Variants in ZNF566 observed in about 807,000 individuals in gnomAD.
ZNF566 encodes the protein zinc finger protein 566.
Under a neutral mutation model 32.8 loss-of-function variants are expected in ZNF566, and 27 were observed. That is an observed-to-expected ratio of 0.82 (90% CI 0.61 to 1.14). The LOEUF (loss-of-function observed/expected upper bound fraction) is 1.14, where lower values mean the gene tolerates loss of function less well. Ranked by LOEUF, ZNF566 falls within the 50% of genes most tolerant of loss-of-function variation. The pLI, the probability that ZNF566 is intolerant of heterozygous loss-of-function variation, is 0.00. For missense variants in ZNF566, 402 were observed against 490.4 expected (o/e 0.82, Z 1.70); for synonymous variants, 154 against 159.5 (o/e 0.97, Z 0.26).
Position 36,449,083 on chromosome 19 carries a change from C to CTAA in ZNF566, c.1148_1150dup (p.Ile383dup). The CTAA allele has an allele frequency of 6.2e-7, 1 of 1,613,970 alleles. No individual in the cohort carries two copies. The highest frequency in any genetic ancestry group is 8.5e-7 in the Non-Finnish European group (1 of 1,179,980). ...CTCACTAGTATGAATTCTATGATGA[C>CTAA]TAATAAGCTGTGAACTCTGAGAATA... On this transcript the variant is annotated inframe_insertion, in exon 5 of 5. Transcript: ENST00000452939.
At chr19:36,468,108 C>G (rs1450588098) in intron 4 of ZNF566, among the ~76,000 whole-genome samples, 1 of 150,592 alleles carries the variant, frequency 6.6e-6, no homozygotes, top group African/African-American at 2.5e-5. Flanking sequence ...TCACTTGAAC[C>G]CGGGAGGCAG....
chr19:36,456,186 G>A (rs1197074383), intron 4 of ZNF566, among the ~76,000 whole-genome samples: 1 of 151,438 alleles, frequency 6.6e-6, no homozygotes, highest in African/African-American at 2.4e-5. Flanking sequence ...AAAATACTTA[G>A]GAAAAAATTT....
chr19:36,449,656 T>C lies in ZNF566; in HGVS notation c.578A>G (p.His193Arg). 2 of 1,614,146 alleles carry C rather than the reference T, an allele frequency of 1.2e-6. No homozygotes were observed. The highest frequency in any genetic ancestry group is 1.7e-5 in the Admixed American group (1 of 60,018). Residue 193 changes from histidine to arginine, a missense_variant, in exon 5 of 5, where the codon CAT becomes CGT. Physicochemically the swap from His to Arg is conservative, Grantham distance 29. This residue lies in a region of ZNF566 where 220 missense variants were observed against 241.9 expected (regional missense o/e 0.91). Transcript: ENST00000452939. The part of the protein sequence containing the change: ...GSQFATHEII[H>R]TIEKPYECKE... The stretch of plus-strand genomic sequence containing the variant: ...ACATTCATAAGGCTTCTCAATGGTA[T>C]GAATTATCTCATGTGTAGCAAACTG...
At chr19:36,450,360 A>C (rs1165196086) in intron 4 of ZNF566, among the ~76,000 whole-genome samples, 1 of 152,180 alleles carries the variant, frequency 6.6e-6, no homozygotes, top group Non-Finnish European at 1.5e-5. Context: ...AAAATAAGGG[A>C]AATGGCCAGG....
rs538026137 is a variant in ZNF566 at position 36,448,615 on chromosome 19, AG to A, written c.*361del. 1 of 165,156 alleles carries A rather than the reference AG, an allele frequency of 6.1e-6. No homozygotes were observed. The highest frequency in any genetic ancestry group is 2.4e-5 in the African/African-American group (1 of 42,064). 10.2% of individuals were successfully genotyped at this position (165,156 alleles called of 1,614,324 possible). On this transcript the variant is annotated 3_prime_UTR_variant, in exon 5 of 5. Coordinates refer to ENST00000452939, the MANE Select transcript of ZNF566 (RefSeq NM_001145344.1). The stretch of plus-strand genomic sequence containing the variant: ...TTAAAATACTAAGAATGTAACAATT[AG>A]AGAAATTAGGGGAAAAAATGACAAT...
At chr19:36,468,341 T>C (rs1220886456) in intron 4 of ZNF566, among the ~76,000 whole-genome samples, 1 of 151,722 alleles carries the variant, frequency 6.6e-6, no homozygotes, top group African/African-American at 2.4e-5. Flanking sequence ...TGAAGTGGCT[T>C]GCTCCTGTAA....
chr19:36,455,647 C>T (rs951795623), intron 4 of ZNF566, among the ~76,000 whole-genome samples: 10 of 151,842 alleles, frequency 6.6e-5, no homozygotes, highest in Non-Finnish European at 1.2e-4. Context: ...GGCTGAGGCA[C>T]GAGAATCGCT....
At position 36,445,364 on chromosome 19, in the gene ZNF566, C is replaced by T. The variant is rs2032968009; in HGVS notation, c.*3613G>A. On this transcript the variant is annotated 3_prime_UTR_variant, in exon 5 of 5. Transcript: ENST00000452939. ...TCCTGGATAGAAACAAGTCTGACAT[C>T]CTGCATTAGATCGTATAATCAATTC... 1 of 152,132 alleles carries T rather than the reference C, an allele frequency of 6.6e-6. No individual in the cohort carries two copies. The highest frequency in any genetic ancestry group is 1.5e-5 in the Non-Finnish European group (1 of 68,020). The allele number at this position is 152,132 out of a possible 1,614,324, so 9.4% of individuals were successfully genotyped here. A position where few individuals can be genotyped will look rare whatever the true frequency, so the allele number is the denominator to read the frequency against.
intron 1 of ZNF566, among the ~76,000 whole-genome samples, chr19:36,489,092 C>T (rs1464167919): frequency 6.6e-6 from 1 of 152,184 alleles, no homozygotes; most frequent in Non-Finnish European, 1.5e-5. Context: ...CAGCCACACA[C>T]ACAGATAGAA....
intron 1 of ZNF566, 123 bp from the exon 2 acceptor site, chr19:36,476,739 C>T: frequency 4.2e-6 from 3 of 717,024 alleles, no homozygotes; most frequent in Non-Finnish European, 4.4e-6. Flanking sequence ...GGAGAATGGG[C>T]AAATGTCTCT....
chr19:36,467,922 A>T (rs1457449765), intron 4 of ZNF566, among the ~76,000 whole-genome samples: 2 of 151,510 alleles, frequency 1.3e-5, no homozygotes, highest in Non-Finnish European at 2.9e-5. Context: ...ATGGTGGCTC[A>T]CGCCTGTAAT....
intron 1 of ZNF566, among the ~76,000 whole-genome samples, chr19:36,485,619 G>A (rs755242594): frequency 1.1e-4 from 17 of 151,778 alleles, no homozygotes; most frequent in Non-Finnish European, 1.8e-4. Flanking sequence ...AAAATCAGCC[G>A]GGGGTGGTGG....
At position 36,448,849 on chromosome 19, in the gene ZNF566, C is replaced by A; in HGVS notation, c.*128G>T. On this transcript the variant is annotated 3_prime_UTR_variant, in exon 5 of 5. Transcript: ENST00000452939. ...TTTCTCCAACATTATTTTTCCCAGG[C>A]TGAATAAGCTGTAGTCCACAAATAA... is the stretch of plus-strand genomic sequence containing the variant. 1.3e-6 allele frequency: 1 copy of A among 788,354 alleles called. No homozygotes were observed. The highest frequency in any genetic ancestry group is 1.9e-6 in the Non-Finnish European group (1 of 528,104). 48.8% of individuals were successfully genotyped at this position (788,354 alleles called of 1,614,324 possible).
At chr19:36,466,122 G>A (rs1253632905) in intron 4 of ZNF566, among the ~76,000 whole-genome samples, 1 of 151,872 alleles carries the variant, frequency 6.6e-6, no homozygotes, top group Admixed American at 6.6e-5. Context: ...GGGAATAAAG[G>A]TAACCATATC....
chr19:36,461,311 T>C (rs745650220), intron 4 of ZNF566, among the ~76,000 whole-genome samples: 2 of 152,214 alleles, frequency 1.3e-5, no homozygotes, highest in Non-Finnish European at 1.5e-5. Flanking sequence ...CCTGAGTTAC[T>C]AGGTTGTTAC....
At chr19:36,473,541 G>C in intron 2 of ZNF566, 83 bp from the exon 3 acceptor site, 1 of 1,334,520 alleles carries the variant, frequency 7.5e-7, no homozygotes, top group Non-Finnish European at 1.0e-6. Context: ...AAAGATTAAG[G>C]TAGAGGAAGT....
intron 4 of ZNF566, among the ~76,000 whole-genome samples, chr19:36,460,027 G>C (rs1050906505): frequency 6.6e-6 from 1 of 150,992 alleles, no homozygotes; most frequent in African/African-American, 2.4e-5. Flanking sequence ...GGCTGATCTC[G>C]AACTCCTGAC....
intron 4 of ZNF566, among the ~76,000 whole-genome samples, chr19:36,457,921 C>T (rs1016403329): frequency 6.6e-6 from 1 of 151,962 alleles, no homozygotes; most frequent in Admixed American, 6.6e-5. Context: ...CAAAAATCCC[C>T]TCACACCTGT....
Position 36,447,215 on chromosome 19 carries a change from A to G in ZNF566, c.*1762T>C, listed in dbSNP as rs1313607502. On this transcript the variant is annotated 3_prime_UTR_variant, in exon 5 of 5. Transcript: ENST00000452939. The stretch of plus-strand genomic sequence containing the variant: ...ATTTTTGAGTAAAAATGGGGTTTCA[A>G]CATGTTGGCCAGGCTGGTCTCAAGC... The G allele has an allele frequency of 6.6e-6, 1 of 151,994 alleles. No individual in the cohort carries two copies. Among genetic ancestry groups the G allele is most frequent in the East Asian group, 1.9e-4 (1 of 5,178 alleles). 9.4% of individuals were successfully genotyped at this position (151,994 alleles called of 1,614,324 possible). A position where few individuals can be genotyped will look rare whatever the true frequency, so the allele number is the denominator to read the frequency against.
Sources: allele counts gnomAD v4.1 joint callset (sites outside exome capture counted in the v4.1 genomes callset), GRCh38; gene constraint gnomAD v4.1.1; regional missense constraint gnomAD v4.1.1; transcripts MANE v1.5; gene names NCBI Gene and HGNC (gene_info 2026-07-23, HGNC 2026-07-21).